Variants in EIF4H observed in about 807,000 individuals in gnomAD.
The protein encoded by EIF4H is Williams-Beuren syndrome chromosome region 1.
A neutral mutation model predicts 30.6 loss-of-function variants in EIF4H; 8 were observed. The observed-to-expected ratio is 0.26, with a 90% confidence interval of 0.15 to 0.47. EIF4H has a LOEUF of 0.47. Among genes scored for constraint, EIF4H ranks in the 20% least tolerant of loss-of-function variants. The pLI, the probability that EIF4H is intolerant of heterozygous loss-of-function variation, is 0.99. For missense variants in EIF4H, 188 were observed against 339.5 expected, an observed-to-expected ratio of 0.55 and a Z score of 3.51; for synonymous variants, 106 against 122.7, an observed-to-expected ratio of 0.86 and a Z score of 0.90.
At chr7:74,175,058 C>T (rs1200257318) in intron 1 of EIF4H, among the ~76,000 whole-genome samples, 2 of 152,214 alleles carry the variant, frequency 1.3e-5, no homozygotes, top group African/African-American at 2.4e-5. Flanking sequence ...TTGTATTAAT[C>T]TTTCTTGGGT....
intron 1 of EIF4H, 120 bp downstream of exon 1, chr7:74,174,562 T>C (rs2115918918): frequency 1.0e-6 from 1 of 973,700 alleles, no homozygotes; most frequent in South Asian, 5.0e-5. Context: ...CGCGGAGGCC[T>C]AGGAGCGGCG....
chr7:74,192,626 A>ACATTTTCG (rs1205563446), intron 5 of EIF4H, among the ~76,000 whole-genome samples: 1 of 150,326 alleles, frequency 6.7e-6, no homozygotes, highest in Non-Finnish European at 1.5e-5. Flanking sequence ...ACAGATCACA[A>ACATTTTCG]CATTTTCGTC....
chr7:74,192,888 G>C (rs1424578567), intron 5 of EIF4H, among the ~76,000 whole-genome samples: 1 of 151,704 alleles, frequency 6.6e-6, no homozygotes, highest in Non-Finnish European at 1.5e-5. Context: ...GTGTTGGTCA[G>C]GCTGGTCTCG....
intron 1 of EIF4H, among the ~76,000 whole-genome samples, chr7:74,186,659 G>C (rs1222138904): frequency 6.6e-6 from 1 of 152,048 alleles, no homozygotes; most frequent in African/African-American, 2.4e-5. Flanking sequence ...GGTAATGCAC[G>C]CCATACGCAT....
Position 74,196,868 on chromosome 7 carries a change from A to G in EIF4H, c.*1560A>G, listed in dbSNP as rs1481163567. On this transcript the variant is annotated 3_prime_UTR_variant, in exon 7 of 7. Transcript: ENST00000265753. ...ACTTAACTTCAGAAAGACATGCATTATGTGGTGTAATCAAACCCGATGCTT... is the reference window on the plus strand; with the variant it reads ...ACTTAACTTCAGAAAGACATGCATTGTGTGGTGTAATCAAACCCGATGCTT... 2 of 152,558 alleles carry G rather than the reference A, an allele frequency of 1.3e-5. No homozygotes were observed. Among genetic ancestry groups the G allele is most frequent in the Non-Finnish European group, 2.9e-5 (2 of 68,050 alleles). 9.5% of individuals were successfully genotyped at this position (152,558 alleles called of 1,614,324 possible).
At chr7:74,184,197 C>T (rs1801031320) in intron 1 of EIF4H, among the ~76,000 whole-genome samples, 1 of 151,976 alleles carries the variant, frequency 6.6e-6, no homozygotes, top group South Asian at 2.1e-4. Flanking sequence ...AAGCCAGAGC[C>T]ACCTTCCTGT....
At position 74,194,690 on chromosome 7, in the gene EIF4H, G is replaced by C. The variant is rs200652528; in HGVS notation, c.470-51G>C. 9.2e-5 allele frequency: 139 copies of C among 1,517,418 alleles called. 1 individual carries two copies. The highest frequency in any genetic ancestry group is 1.1e-4 in the Non-Finnish European group (129 of 1,130,124). The allele number at this position is 1,517,418 out of a possible 1,614,324, so 94.0% of individuals were successfully genotyped here. A position where few individuals can be genotyped will look rare whatever the true frequency, so the allele number is the denominator to read the frequency against. On this transcript the variant is annotated intron_variant, in intron 5 of 6. Coordinates refer to ENST00000265753, the MANE Select transcript of EIF4H (RefSeq NM_022170.2). ...TTCCCAGAACATTATTCTATAAGCA[G>C]CTTGGAGACGATAGTTTGAAAAGTA...
intron 1 of EIF4H, among the ~76,000 whole-genome samples, chr7:74,176,323 CA>C (rs1223516333): frequency 6.7e-6 from 1 of 149,888 alleles, no homozygotes; most frequent in Non-Finnish European, 1.5e-5. Context: ...CTGCAACCTC[CA>C]CCTCCCGGGT....
chr7:74,192,872 C>A (rs1371038608), intron 5 of EIF4H, among the ~76,000 whole-genome samples: 1 of 151,446 alleles, frequency 6.6e-6, no homozygotes, highest in African/African-American at 2.4e-5. Context: ...GAGACGGGGT[C>A]TCTCCGTGTT....
intron 5 of EIF4H, among the ~76,000 whole-genome samples, chr7:74,190,939 A>G (rs534115043): frequency 6.6e-6 from 1 of 152,272 alleles, no homozygotes; most frequent in South Asian, 2.1e-4. Context: ...CATGATAAAA[A>G]CTTCAGTTGT....
intron 1 of EIF4H, among the ~76,000 whole-genome samples, chr7:74,182,587 G>A (rs1276771928): frequency 2.0e-5 from 3 of 152,186 alleles, no homozygotes; most frequent in African/African-American, 4.8e-5. Flanking sequence ...TAAATGAGAT[G>A]TGTCTCATAA....
At chr7:74,182,658 C>G (rs1398388748) in intron 1 of EIF4H, among the ~76,000 whole-genome samples, 2 of 152,234 alleles carry the variant, frequency 1.3e-5, no homozygotes, top group Admixed American at 6.5e-5. Flanking sequence ...ATCACAGTCC[C>G]AAAGTGCTGG....
intron 5 of EIF4H, among the ~76,000 whole-genome samples, chr7:74,194,502 G>A (rs377567359): frequency 3.3e-5 from 5 of 152,274 alleles, no homozygotes; most frequent in South Asian, 2.1e-4. Flanking sequence ...TAAACAGCTC[G>A]TTTGTTTGCT....
intron 5 of EIF4H, among the ~76,000 whole-genome samples, chr7:74,190,854 A>G (rs1419317495): frequency 2.6e-5 from 4 of 152,232 alleles, no homozygotes; most frequent in African/African-American, 9.6e-5. Context: ...TCTGCCCTGC[A>G]GGGTGATTTT....
At chr7:74,184,175 C>T (rs1448300658) in intron 1 of EIF4H, among the ~76,000 whole-genome samples, 1 of 152,108 alleles carries the variant, frequency 6.6e-6, no homozygotes, top group Admixed American at 6.6e-5. Flanking sequence ...CTAGATTTTT[C>T]TATCTTCTCC....
intron 1 of EIF4H, among the ~76,000 whole-genome samples, chr7:74,185,761 C>T (rs988420860): frequency 3.9e-5 from 6 of 152,036 alleles, no homozygotes; most frequent in Non-Finnish European, 7.4e-5. Flanking sequence ...ATTAATATTT[C>T]CCCTGCAAAG....
In EIF4H at chr7:74,178,176, A is replaced by G. The variant is rs565128417; in HGVS notation, c.59+3734A>G. ...GGCTAGTCTCAAACCCCTGGGCTCA[A>G]GGGATCTTCCTGCCTCAGCCTCCCA... On this transcript the variant is annotated intron_variant, in intron 1 of 6. Coordinates refer to ENST00000265753, the MANE Select transcript of EIF4H (RefSeq NM_022170.2). Among the ~76,000 whole-genome samples, 5 of 152,264 alleles carry G rather than the reference A, an allele frequency of 3.3e-5. No individual in the cohort carries two copies. The East Asian group carries it at 7.7e-4, about 24-fold the overall frequency.
At position 74,195,914 on chromosome 7, in the gene EIF4H, T is replaced by G. The variant is rs1478019230; in HGVS notation, c.*606T>G. The G allele has an allele frequency of 6.5e-6, 1 of 153,560 alleles. No individual in the cohort carries two copies. The highest frequency in any genetic ancestry group is 1.5e-5 in the Non-Finnish European group (1 of 68,032). 9.5% of individuals were successfully genotyped at this position (153,560 alleles called of 1,614,324 possible). ...CTGCAGGGTCCTTTCCATTCCTATTTAGAGGGAGTCCTGGCTCCATGACCC... is the reference window on the plus strand; with the variant it reads ...CTGCAGGGTCCTTTCCATTCCTATTGAGAGGGAGTCCTGGCTCCATGACCC... On this transcript the variant is annotated 3_prime_UTR_variant, in exon 7 of 7. Coordinates refer to ENST00000265753, the MANE Select transcript of EIF4H (RefSeq NM_022170.2).
Position 74,195,407 on chromosome 7 carries a change from G to A in EIF4H, c.*99G>A. Reference sequence around the variant, plus strand: ...TCCTGCAGCCGCCACTCCTGCGCCTGCCATTGGCCTCCTCACAGCGGAAAC... The same window carrying A: ...TCCTGCAGCCGCCACTCCTGCGCCTACCATTGGCCTCCTCACAGCGGAAAC... On this transcript the variant is annotated 3_prime_UTR_variant, in exon 7 of 7. Coordinates refer to ENST00000265753, the MANE Select transcript of EIF4H (RefSeq NM_022170.2). 2.2e-6 allele frequency: 3 copies of A among 1,369,126 alleles called. No individual in the cohort carries two copies. The highest frequency in any genetic ancestry group is 1.5e-5 in the African/African-American group (1 of 68,912). 84.8% of individuals were successfully genotyped at this position (1,369,126 alleles called of 1,614,324 possible). A position where few individuals can be genotyped will look rare whatever the true frequency, so the allele number is the denominator to read the frequency against.
Sources: allele counts gnomAD v4.1 joint callset (sites outside exome capture counted in the v4.1 genomes callset), GRCh38; gene constraint gnomAD v4.1.1; transcripts MANE v1.5; gene names NCBI Gene and HGNC (gene_info 2026-07-23, HGNC 2026-07-21).